Variants in MTHFD2L observed in about 807,000 individuals in gnomAD.
MTHFD2L encodes the protein bifunctional methylenetetrahydrofolate dehydrogenase/cyclohydrolase 2, mitochondrial.
A neutral mutation model predicts 34.9 loss-of-function variants in MTHFD2L; 29 were observed. That is an observed-to-expected ratio of 0.83 (90% CI 0.62 to 1.13). The LOEUF (loss-of-function observed/expected upper bound fraction) is 1.13, where lower values mean the gene tolerates loss of function less well. Among genes scored for constraint, MTHFD2L ranks in the 50% most tolerant of loss-of-function variants. The pLI, the probability that MTHFD2L is intolerant of heterozygous loss-of-function variation, is 0.00. For missense variants in MTHFD2L, 481 were observed against 446.5 expected (o/e 1.08, Z -0.70); for synonymous variants, 167 against 155.7 (o/e 1.07, Z -0.54).
At chr4:74,115,764 A>G (rs1186200628) in intron 2 of MTHFD2L, among the ~76,000 whole-genome samples, 2 of 152,260 alleles carry the variant, frequency 1.3e-5, no homozygotes, top group Admixed American at 6.5e-5. Flanking sequence ...TGATTAAATT[A>G]AATTACATTT....
intron 1 of MTHFD2L, among the ~76,000 whole-genome samples, chr4:74,134,348 A>G (rs995075764): frequency 6.6e-6 from 1 of 152,174 alleles, no homozygotes; most frequent in Non-Finnish European, 1.5e-5. Flanking sequence ...GCCTTCCCAC[A>G]GTGCTAGGGT....
At position 74,225,334 on chromosome 4, in the gene MTHFD2L, A is replaced by G. The variant is rs759344282; in HGVS notation, c.745A>G (p.Thr249Ala). The change falls in exon 6 of 8, where the codon ACC (threonine) becomes GCC (alanine). Residue 249 changes from threonine to alanine, a missense_variant. Thr to Ala is a moderately conservative substitution (Grantham distance 58). Transcript: ENST00000325278. ...AACTGTGACAATAGCTCACAGATAC[A>G]CCCCCAAAGAGCAACTGAAGATTCA... ...DATVTIAHRY[T>A]PKEQLKIHTQ... 1.2e-6 allele frequency: 2 copies of G among 1,613,120 alleles called. No homozygotes were observed. Among genetic ancestry groups the G allele is most frequent in the East Asian group, 2.2e-5 (1 of 44,836 alleles).
intron 6 of MTHFD2L, among the ~76,000 whole-genome samples, chr4:74,265,858 T>C (rs1305732899): frequency 6.6e-6 from 1 of 152,242 alleles, no homozygotes; most frequent in Non-Finnish European, 1.5e-5. Flanking sequence ...ATACTTTGTA[T>C]GATGGGTGAA....
intron 6 of MTHFD2L, among the ~76,000 whole-genome samples, chr4:74,238,385 T>A (rs1299826287): frequency 6.6e-6 from 1 of 152,094 alleles, no homozygotes; most frequent in African/African-American, 2.4e-5. Context: ...ACTGAAACCA[T>A]AAAAACCCTA....
intron 7 of MTHFD2L, among the ~76,000 whole-genome samples, chr4:74,291,627 T>C (rs1284570392): frequency 1.3e-5 from 2 of 152,186 alleles, no homozygotes; most frequent in Non-Finnish European, 1.5e-5. Flanking sequence ...GTGCACATGA[T>C]AAATAAAGTG....
In MTHFD2L at chr4:74,302,045, A is replaced by G; in HGVS notation, c.*236A>G. ...ATGAAAATTTTAGTAACAATTGTTT[A>G]TTTTGAGGGTATTTGTTCATAACAT... On this transcript the variant is annotated 3_prime_UTR_variant, in exon 8 of 8. Transcript: ENST00000325278. 2.9e-6 allele frequency: 1 copy of G among 348,530 alleles called. No homozygotes were observed. The highest frequency in any genetic ancestry group is 5.2e-6 in the Non-Finnish European group (1 of 193,814). 21.6% of individuals were successfully genotyped at this position (348,530 alleles called of 1,614,324 possible).
chr4:74,164,187 A>T (rs1726136131), intron 1 of MTHFD2L, among the ~76,000 whole-genome samples: 1 of 152,152 alleles, frequency 6.6e-6, no homozygotes. Flanking sequence ...GGTTTTTTCA[A>T]CATTATAGAG....
intron 6 of MTHFD2L, among the ~76,000 whole-genome samples, chr4:74,227,561 G>C (rs1443140792): frequency 2.0e-5 from 3 of 151,734 alleles, no homozygotes; most frequent in Non-Finnish European, 4.4e-5. Context: ...GAGCATGCTT[G>C]ATGTATTCCA....
Position 74,301,800 on chromosome 4 carries a change from C to A in MTHFD2L, c.1035C>A (p.Ile345=). 1 of 1,599,990 alleles carries A rather than the reference C, an allele frequency of 6.3e-7. No individual in the cohort carries two copies. The highest frequency in any genetic ancestry group is 2.3e-5 in the East Asian group (1 of 44,412). The part of the protein sequence containing the change: ...LKNTLLAAKK[I]IY ...ACACCCTTCTGGCAGCTAAAAAAAT[C>A]ATTTACTAGATCACATGAAAGGATA... Residue 345 remains isoleucine, a synonymous_variant, in exon 8 of 8, where the codon ATC becomes ATA. Transcript: ENST00000325278.
chr4:74,238,300 G>C (rs115737250), intron 6 of MTHFD2L, among the ~76,000 whole-genome samples: 2,580 of 152,118 alleles, frequency 0.017, 76 homozygotes, highest in African/African-American at 0.057. Flanking sequence ...ATATATCTGT[G>C]GTGCGTTCTA....
intron 1 of MTHFD2L, among the ~76,000 whole-genome samples, chr4:74,133,038 A>C (rs1371055960): frequency 6.6e-6 from 1 of 152,142 alleles, no homozygotes; most frequent in South Asian, 2.1e-4. Flanking sequence ...TTTTAATTTC[A>C]GGTTGAAGAA....
intron 3 of MTHFD2L, among the ~76,000 whole-genome samples, chr4:74,197,310 T>G (rs571055345): frequency 6.4e-4 from 98 of 152,316 alleles, no homozygotes; most frequent in African/African-American, 2.1e-3. Context: ...TTTGGGAGAC[T>G]TTTAGTAGCA....
intron 6 of MTHFD2L, among the ~76,000 whole-genome samples, chr4:74,272,536 T>C (rs1052407616): frequency 3.9e-5 from 6 of 152,142 alleles, no homozygotes; most frequent in Non-Finnish European, 8.8e-5. Context: ...ATTAACTTTT[T>C]TGTCAGTGTT....
At chr4:74,193,566 A>G (rs569071815) in intron 3 of MTHFD2L, among the ~76,000 whole-genome samples, 2 of 152,314 alleles carry the variant, frequency 1.3e-5, no homozygotes, top group African/African-American at 2.4e-5. Flanking sequence ...CAATCTATGA[A>G]CATGGTATGC....
chr4:74,154,526 G>A (rs1724131607), upstream of MTHFD2L, among the ~76,000 whole-genome samples: 1 of 151,720 alleles, frequency 6.6e-6, no homozygotes, highest in Non-Finnish European at 1.5e-5. Context: ...TATACTTCGG[G>A]TTATAATCCA....
At chr4:74,190,764 A>G (rs978835819) in intron 3 of MTHFD2L, among the ~76,000 whole-genome samples, 10 of 152,232 alleles carry the variant, frequency 6.6e-5, no homozygotes, top group Non-Finnish European at 1.2e-4. Context: ...ACAGTTTCCA[A>G]AAGTATCTCT....
intron 7 of MTHFD2L, among the ~76,000 whole-genome samples, chr4:74,287,892 G>A (rs1476344568): frequency 1.3e-5 from 2 of 152,192 alleles, no homozygotes; most frequent in South Asian, 2.1e-4. Flanking sequence ...CCATAACAAA[G>A]TACCACAGAC....
intron 5 of MTHFD2L, among the ~76,000 whole-genome samples, chr4:74,214,818 C>T (rs951444967): frequency 1.3e-5 from 2 of 151,910 alleles, no homozygotes; most frequent in East Asian, 3.9e-4. Flanking sequence ...GCCGCCCCTT[C>T]CCCCAGGTGC....
At chr4:74,193,097 T>A (rs1732850391) in intron 3 of MTHFD2L, among the ~76,000 whole-genome samples, 1 of 152,224 alleles carries the variant, frequency 6.6e-6, no homozygotes, top group Admixed American at 6.5e-5. Flanking sequence ...TTTAGATTTC[T>A]AATTGATTTC....
Sources: allele counts gnomAD v4.1 joint callset (sites outside exome capture counted in the v4.1 genomes callset), GRCh38; gene constraint gnomAD v4.1.1; transcripts MANE v1.5; gene names NCBI Gene and HGNC (gene_info 2026-07-23, HGNC 2026-07-21).